Variants in CELF2 observed in about 807,000 individuals in gnomAD.
The protein encoded by CELF2 is CUGBP Elav-like family member 2, also known as CUG triplet repeat RNA-binding protein 2.
Under a neutral mutation model 62.6 loss-of-function variants are expected in CELF2, and 8 were observed. The ratio of observed to expected loss-of-function variants is 0.13; its 90% CI spans 0.07 to 0.23. The LOEUF is 0.23. Among genes scored for constraint, CELF2 ranks in the 10% least tolerant of loss-of-function variants. The pLI is 1.00. For missense variants in CELF2, 333 were observed against 671.0 expected (o/e 0.50, Z 5.56); for synonymous variants, 258 against 250.0 (o/e 1.03, Z -0.30).
chr10:10,834,956 T>C (rs1288674090), intron 1 of CELF2, among the ~76,000 whole-genome samples: 1 of 152,158 alleles, frequency 6.6e-6, no homozygotes, highest in South Asian at 2.1e-4. Context: ...TCCTTTCTTA[T>C]CAAAGCAGTA....
the CELF2 span, among the ~76,000 whole-genome samples, chr10:10,730,215 A>T: frequency 6.6e-6 from 1 of 152,104 alleles, no homozygotes; most frequent in African/African-American, 2.4e-5. Context: ...AGTGGCTCAC[A>T]CCTGTAGTCC....
In CELF2 at chr10:11,280,173, A is replaced by C. The variant is rs992322109; in HGVS notation, c.841+5053A>C. Among the ~76,000 whole-genome samples, 2 of 152,152 alleles carry C rather than the reference A, an allele frequency of 1.3e-5. No homozygotes were observed. Among genetic ancestry groups the C allele is most frequent in the African/African-American group, 4.8e-5 (2 of 41,436 alleles). On this transcript the variant is annotated intron_variant, in intron 8 of 12. Coordinates refer to ENST00000633077, the MANE Select transcript of CELF2 (RefSeq NM_001326342.2). This position sits in a 1 kb window ranked among gnomAD's most constrained non-coding sequence, Gnocchi z 7.6. ...AGGACGGGGCACCCACATACCTCAG[A>C]AAAGAGAGAGCGACAGAGGGGAACC...
In CELF2 at chr10:11,005,351, C is replaced by T; in HGVS notation, c.-37C>T. 6.2e-7 allele frequency: 1 copy of T among 1,612,732 alleles called. No homozygotes were observed. Among genetic ancestry groups the T allele is most frequent in the Non-Finnish European group, 8.5e-7 (1 of 1,179,502 alleles). On this transcript the variant is annotated 5_prime_UTR_variant, in exon 1 of 13. Coordinates refer to the CELF2 transcript ENST00000416382. This position sits in a 1 kb window ranked among gnomAD's most constrained non-coding sequence, Gnocchi z 4.3. Reference sequence around the variant, plus strand: ...GTGGCATTGATGTTTGAGCATACTTCTGAACTGGCTTTTGTTGAGACTATC... The same window carrying T: ...GTGGCATTGATGTTTGAGCATACTTTTGAACTGGCTTTTGTTGAGACTATC...
chr10:10,668,788 T>C, the CELF2 span, among the ~76,000 whole-genome samples: 3 of 152,026 alleles, frequency 2.0e-5, no homozygotes, highest in African/African-American at 7.2e-5. Context: ...TGAAACCCTG[T>C]CTCTACCAAA....
chr10:10,969,359 T>TCTTA, intron 2 of CELF2, among the ~76,000 whole-genome samples: 1 of 152,200 alleles, frequency 6.6e-6, no homozygotes, highest in South Asian at 2.1e-4. Context: ...ACATCAGGGG[T>TCTTA]GAGTGATCTC....
chr10:10,536,846 G>A, the CELF2 span, among the ~76,000 whole-genome samples: 5 of 152,176 alleles, frequency 3.3e-5, no homozygotes, highest in Admixed American at 1.3e-4. Flanking sequence ...GAGGAACTAC[G>A]GGCATCAGTT....
At chr10:11,103,627 A>G (rs2052516201) in intron 1 of CELF2, among the ~76,000 whole-genome samples, 1 of 152,022 alleles carries the variant, frequency 6.6e-6, no homozygotes, top group African/African-American at 2.4e-5. Context: ...GAGATAAACC[A>G]CACGCAACTC....
At chr10:11,023,756 T>C (rs542723256) in intron 1 of CELF2, among the ~76,000 whole-genome samples, 1 of 152,380 alleles carries the variant, frequency 6.6e-6, no homozygotes, top group East Asian at 1.9e-4. Context: ...TGAAATGCCT[T>C]GTGAGCGTAT....
the CELF2 span, among the ~76,000 whole-genome samples, chr10:10,517,209 A>T: frequency 6.6e-6 from 1 of 152,188 alleles, no homozygotes; most frequent in East Asian, 1.9e-4. Flanking sequence ...TTCTGCATTC[A>T]ATCGCTATAG....
Position 11,267,866 on chromosome 10 carries a change from T to G in CELF2, c.618+1189T>G, listed in dbSNP as rs2082603788. 6.6e-6 allele frequency among the ~76,000 whole-genome samples: 1 copy of G among 152,196 alleles called. No homozygotes were observed. The highest frequency in any genetic ancestry group is 2.4e-5 in the African/African-American group (1 of 41,448). ...GTGTTTACTGTACTTTTCTGACTTG[T>G]GATACCAGCATTGCAAAGCCTATTG... On this transcript the variant is annotated intron_variant, in intron 6 of 12. Transcript: ENST00000633077. This position sits in a 1 kb window ranked among gnomAD's most constrained non-coding sequence, Gnocchi z 4.4.
intron 1 of CELF2, among the ~76,000 whole-genome samples, chr10:10,915,400 G>A (rs1404870586): frequency 6.6e-6 from 1 of 152,050 alleles, no homozygotes; most frequent in Non-Finnish European, 1.5e-5. Flanking sequence ...TTGACTAAGA[G>A]TAGCCTTTTT....
At chr10:10,772,196 T>A in the CELF2 span, among the ~76,000 whole-genome samples, 20,446 of 152,196 alleles carry the variant, frequency 0.13, 1,774 homozygotes, top group Non-Finnish European at 0.2. Flanking sequence ...AAGACTGTTC[T>A]GAGGATCTGT....
At chr10:10,580,356 A>T in the CELF2 span, among the ~76,000 whole-genome samples, 3 of 152,188 alleles carry the variant, frequency 2.0e-5, no homozygotes, top group African/African-American at 7.2e-5. Flanking sequence ...CCATGCTGGC[A>T]TCTAGAATTG....
rs574892537 is a variant in CELF2 at position 11,170,669 on chromosome 10, AG to A, written c.271+4989del. Among the ~76,000 whole-genome samples the A allele has an allele frequency of 3.9e-3, 587 of 152,298 alleles. 4 individuals are homozygous for A. The highest frequency in any genetic ancestry group is 6.5e-3 in the Admixed American group (99 of 15,302). On this transcript the variant is annotated intron_variant, in intron 2 of 12. Transcript: ENST00000633077. ...AATGCTGAAAGACAGCTCCTGGTCCAGGAGGTGGAGGAGGAGGAGTTGAAGG... is the reference window on the plus strand; with the variant it reads ...AATGCTGAAAGACAGCTCCTGGTCCAGAGGTGGAGGAGGAGGAGTTGAAGG...
the CELF2 span, among the ~76,000 whole-genome samples, chr10:10,543,305 G>A: frequency 2.4e-4 from 36 of 152,126 alleles, no homozygotes; most frequent in East Asian, 1.9e-3. Context: ...CCATTTCTCC[G>A]TCTAAGCTAA....
intron 1 of CELF2, among the ~76,000 whole-genome samples, chr10:10,916,720 C>T (rs966819997): frequency 1.2e-4 from 19 of 152,178 alleles, no homozygotes; most frequent in African/African-American, 4.1e-4. Context: ...TCAAGCAATT[C>T]TCCTGCCTCA....
In CELF2 at chr10:11,260,476, C is replaced by T. The variant is rs541067785; in HGVS notation, c.538+2604C>T. Reference sequence around the variant, plus strand: ...AACCTCCATGGGAAAGAGCAGGACACGCAGTACTTAACAAGAGAACTTAGC... The same window carrying T: ...AACCTCCATGGGAAAGAGCAGGACATGCAGTACTTAACAAGAGAACTTAGC... On this transcript the variant is annotated intron_variant, in intron 5 of 12. Transcript: ENST00000633077. This position sits in a 1 kb window ranked among gnomAD's most constrained non-coding sequence, Gnocchi z 4.2. 4.6e-5 allele frequency among the ~76,000 whole-genome samples: 7 copies of T among 152,304 alleles called. No homozygotes were observed. In the East Asian group the frequency reaches 1.2e-3, roughly 25 times the overall value.
intron 1 of CELF2, among the ~76,000 whole-genome samples, chr10:10,911,843 A>G (rs767658214): frequency 1.3e-5 from 2 of 152,240 alleles, no homozygotes; most frequent in Non-Finnish European, 2.9e-5. Flanking sequence ...ACATCTGTGA[A>G]TGTAGCTGGC....
chr10:10,638,777 C>T, the CELF2 span, among the ~76,000 whole-genome samples: 34 of 152,084 alleles, frequency 2.2e-4, 1 homozygote, highest in Non-Finnish European at 4.9e-4. Context: ...CTTTTTAGAC[C>T]AAATGTATTC....
Sources: allele counts gnomAD v4.1 joint callset (sites outside exome capture counted in the v4.1 genomes callset), GRCh38; gene constraint gnomAD v4.1.1; non-coding constraint Gnocchi (gnomAD v3.1); transcripts MANE v1.5; gene names NCBI Gene and HGNC (gene_info 2026-07-23, HGNC 2026-07-21).